MCM5: variants seen among roughly 807,000 people sequenced by gnomAD.
MCM5 encodes minichromosome maintenance complex component 5, also known as DNA replication licensing factor MCM5.
MCM5 carries 46 observed loss-of-function variants against 79.9 expected under a neutral mutation model. That is an observed-to-expected ratio of 0.58 (90% CI 0.45 to 0.74). MCM5 has a LOEUF of 0.74. MCM5 is among the 30% of genes least tolerant of loss of function. The pLI is 0.00. For missense variants in MCM5, 883 were observed against 1,017.0 expected (o/e 0.87, Z 1.79); for synonymous variants, 404 against 390.5 (o/e 1.03, Z -0.41).
At chr22:35,415,668 A>G (rs184149419) in intron 9 of MCM5, among the ~76,000 whole-genome samples, 161 bp from the exon 10 acceptor site, 145 of 152,332 alleles carry the variant, frequency 9.5e-4, no homozygotes, top group African/African-American at 3.2e-3. Context: ...CCCCTTCCAG[A>G]GGGAGACGCA....
intron 7 of MCM5, 110 bp from the exon 8 acceptor site, chr22:35,412,400 A>C (rs1932407966): frequency 1.0e-5 from 9 of 857,684 alleles, no homozygotes; most frequent in Non-Finnish European, 1.5e-5. Context: ...CCTGGCCCTA[A>C]GGGCCCTAAG....
At chr22:35,430,855 C>G in the MCM5 span, among the ~76,000 whole-genome samples, 1 of 150,172 alleles carries the variant, frequency 6.7e-6, no homozygotes, top group Non-Finnish European at 1.5e-5. Flanking sequence ...CACAGAAGGA[C>G]CAGTGGGGAC....
the MCM5 span, among the ~76,000 whole-genome samples, chr22:35,442,239 C>T: frequency 6.6e-6 from 1 of 152,110 alleles, no homozygotes; most frequent in East Asian, 1.9e-4. Context: ...CCCCCAGACA[C>T]ACCACTCACT....
the MCM5 span, among the ~76,000 whole-genome samples, chr22:35,448,615 A>G: frequency 6.6e-6 from 1 of 152,366 alleles, no homozygotes; most frequent in South Asian, 2.1e-4. Flanking sequence ...AGGAGCATGC[A>G]TCCAGCCTGG....
At chr22:35,419,798 G>A (rs1932646226) in intron 13 of MCM5, 86 bp from the exon 14 acceptor site, 1 of 1,430,406 alleles carries the variant, frequency 7.0e-7, no homozygotes, top group Non-Finnish European at 9.4e-7. Context: ...GTGCATGTCT[G>A]TAAGCTGGCA....
chr22:35,418,818 G>A (rs919812414), intron 13 of MCM5, among the ~76,000 whole-genome samples: 2 of 152,162 alleles, frequency 1.3e-5, no homozygotes, highest in African/African-American at 4.8e-5. Flanking sequence ...GGTAAGGTGT[G>A]CTATTATTCC....
chr22:35,448,145 G>A, the MCM5 span, among the ~76,000 whole-genome samples: 1 of 152,206 alleles, frequency 6.6e-6, no homozygotes, highest in Admixed American at 6.5e-5. Context: ...GAGTCAGCAT[G>A]AGGACCTCAG....
chr22:35,432,545 C>T, the MCM5 span, among the ~76,000 whole-genome samples: 164 of 152,228 alleles, frequency 1.1e-3, no homozygotes, highest in Non-Finnish European at 2.1e-3. Context: ...CTGGAAGTAT[C>T]TCCTCCAACT....
At position 35,406,740 on chromosome 22, in the gene MCM5, C is replaced by G. The variant is rs775555216; in HGVS notation, c.596+15C>G. The G allele has an allele frequency of 5.0e-6, 8 of 1,603,708 alleles. No homozygotes were observed. The South Asian group carries it at 8.8e-5, about 18-fold the overall frequency. On this transcript the variant is annotated intron_variant, in intron 5 of 16. Transcript: ENST00000216122. The stretch of plus-strand genomic sequence containing the variant: ...AAGTGCAACACGTGAGTCTGTGGCC[C>G]AGAGGGACTGTGGGAGGTGACCTGA...
chr22:35,406,305 C>CCT (rs1555903442), intron 4 of MCM5, among the ~76,000 whole-genome samples: 4 of 144,878 alleles, frequency 2.8e-5, no homozygotes, highest in African/African-American at 1.0e-4. Flanking sequence ...CACCTCCCCC[C>CCT]CCAATTGTGC....
In MCM5 at chr22:35,424,161, C is replaced by T. The variant is rs773861459; in HGVS notation, c.2111C>T (p.Pro704Leu). 4.3e-5 allele frequency: 66 copies of T among 1,549,738 alleles called. No individual in the cohort carries two copies. The highest frequency in any genetic ancestry group is 9.5e-5 in the South Asian group (8 of 83,818). ...AGCCATGTGCTCCCACAGAAATACC[C>T]GGAGCACGCCATCCACAAGGTGCTG... The part of the protein sequence containing the change: ...IIKDFTKQKY[P>L]EHAIHKVLQL... The change falls in exon 17 of 17, where the codon CCG becomes CTG. Residue 704 changes from proline to leucine, a missense_variant. Transcript: ENST00000216122.
intron 7 of MCM5, 56 bp downstream of exon 7, chr22:35,410,966 T>G: frequency 6.6e-7 from 1 of 1,504,670 alleles, no homozygotes; most frequent in South Asian, 1.3e-5. Flanking sequence ...GCTTGCATAC[T>G]TCTGGTAACA....
At chr22:35,414,053 G>T (rs545184041) in intron 9 of MCM5, 67 bp downstream of exon 9, 29 of 1,066,690 alleles carry the variant, frequency 2.7e-5, no homozygotes, top group Non-Finnish European at 7.2e-6. Context: ...CAGGGCCTCT[G>T]GGTCCTCAGG....
chr22:35,442,489 A>T, the MCM5 span, among the ~76,000 whole-genome samples: 1 of 152,186 alleles, frequency 6.6e-6, no homozygotes, highest in Non-Finnish European at 1.5e-5. Flanking sequence ...CAAAGTATGA[A>T]AGTGCAGGCA....
intron 4 of MCM5, 48 bp from the exon 5 acceptor site, chr22:35,406,505 C>A (rs1203565964): frequency 7.1e-6 from 11 of 1,557,954 alleles, no homozygotes; most frequent in Non-Finnish European, 9.7e-6. Flanking sequence ...ATCTCAGATG[C>A]GTCCTGGCTC....
At chr22:35,407,653 T>A (rs4645767) in intron 5 of MCM5, among the ~76,000 whole-genome samples, 455 of 152,376 alleles carry the variant, frequency 3.0e-3, no homozygotes, top group Non-Finnish European at 4.1e-3. Flanking sequence ...TGTCCTCACT[T>A]CTTCAGGCTT....
the MCM5 span, among the ~76,000 whole-genome samples, chr22:35,430,438 CA>C: frequency 2.6e-3 from 388 of 151,680 alleles, 3 homozygotes; most frequent in African/African-American, 9.0e-3. Context: ...CAAAAGGTGT[CA>C]AAAGCTTCTG....
At chr22:35,423,658 T>G in intron 16 of MCM5, 1 of 229,222 alleles carries the variant, frequency 4.4e-6, no homozygotes, top group Non-Finnish European at 8.5e-6. Flanking sequence ...GGGCGTTTCA[T>G]GGAGTGGGAA....
chr22:35,428,603 A>G (rs1402261690), downstream of MCM5, among the ~76,000 whole-genome samples: 5 of 151,994 alleles, frequency 3.3e-5, no homozygotes, highest in Admixed American at 6.6e-5. Flanking sequence ...GACGTATGTA[A>G]ACCTACACAC....
Sources: allele counts gnomAD v4.1 joint callset (sites outside exome capture counted in the v4.1 genomes callset), GRCh38; gene constraint gnomAD v4.1.1; transcripts MANE v1.5; gene names NCBI Gene and HGNC (gene_info 2026-07-23, HGNC 2026-07-21).